Variants in TMEM26 observed in about 807,000 individuals in gnomAD.
TMEM26 encodes transmembrane protein 26.
Under a neutral mutation model 28.8 loss-of-function variants are expected in TMEM26, and 38 were observed. That is an observed-to-expected ratio of 1.32 (90% confidence interval 1.02 to 1.73). The LOEUF (loss-of-function observed/expected upper bound fraction) is 1.73, where lower values mean the gene tolerates loss of function less well. TMEM26 is among the 40% of genes most tolerant of loss of function. The pLI, the probability that TMEM26 is intolerant of heterozygous loss-of-function variation, is 0.00. For synonymous variants in TMEM26, 227 were observed against 182.9 expected, an observed-to-expected ratio of 1.24 and a Z score of -1.95; for missense variants, 518 against 447.1, an observed-to-expected ratio of 1.16 and a Z score of -1.43.
intron 1 of TMEM26, among the ~76,000 whole-genome samples, chr10:61,437,750 C>A (rs1840031902): frequency 6.6e-6 from 1 of 152,130 alleles, no homozygotes; most frequent in Non-Finnish European, 1.5e-5. Flanking sequence ...AGCTACTACA[C>A]TCCAGCCTGG....
At chr10:61,442,129 G>T (rs1840105045) in intron 1 of TMEM26, among the ~76,000 whole-genome samples, 1 of 151,944 alleles carries the variant, frequency 6.6e-6, no homozygotes, top group Non-Finnish European at 1.5e-5. Context: ...TTTACTCATT[G>T]CTTTTGTCAG....
At chr10:61,417,362 G>A (rs1839669793) in intron 4 of TMEM26, among the ~76,000 whole-genome samples, 1 of 151,596 alleles carries the variant, frequency 6.6e-6, no homozygotes, top group Admixed American at 6.6e-5. Context: ...GTGGTTAAAA[G>A]TAAAAATAAA....
chr10:61,419,488 G>T (rs1023382497), intron 4 of TMEM26, among the ~76,000 whole-genome samples: 1 of 151,948 alleles, frequency 6.6e-6, no homozygotes, highest in Non-Finnish European at 1.5e-5. Flanking sequence ...CTATGAAAAT[G>T]GTTAAATAGA....
intron 4 of TMEM26, chr10:61,416,116 A>G (rs1266426562): frequency 2.2e-6 from 1 of 450,970 alleles, no homozygotes; most frequent in African/African-American, 2.0e-5. Flanking sequence ...GAATTTTTCC[A>G]ACAGAGCCTG....
intron 4 of TMEM26, among the ~76,000 whole-genome samples, chr10:61,417,703 C>A (rs1334368305): frequency 6.6e-6 from 1 of 151,880 alleles, no homozygotes; most frequent in Non-Finnish European, 1.5e-5. Flanking sequence ...GAATAGAATT[C>A]TTTTTAGTAC....
At chr10:61,444,668 A>C (rs1302311867) in intron 1 of TMEM26, among the ~76,000 whole-genome samples, 3 of 151,872 alleles carry the variant, frequency 2.0e-5, no homozygotes, top group South Asian at 2.1e-4. Context: ...AAAAAAAAAA[A>C]AAACACCAAC....
At chr10:61,451,326 T>G (rs1840275840) in intron 1 of TMEM26, among the ~76,000 whole-genome samples, 1 of 152,210 alleles carries the variant, frequency 6.6e-6, no homozygotes, top group Non-Finnish European at 1.5e-5. Flanking sequence ...TCTGGTCTAC[T>G]CTTGGAGGGG....
intron 4 of TMEM26, chr10:61,415,088 T>G (rs1454526115): frequency 1.0e-6 from 1 of 985,120 alleles, no homozygotes; most frequent in Non-Finnish European, 1.2e-6. Flanking sequence ...ACATATGGCA[T>G]AGAACGTGGA....
intron 1 of TMEM26, among the ~76,000 whole-genome samples, chr10:61,450,365 AG>A (rs1840256080): frequency 6.6e-6 from 1 of 152,192 alleles, no homozygotes; most frequent in African/African-American, 2.4e-5. Flanking sequence ...TACTTCACCT[AG>A]AAAGGGAATG....
chr10:61,442,599 A>G (rs1840111945), intron 1 of TMEM26, among the ~76,000 whole-genome samples: 1 of 152,222 alleles, frequency 6.6e-6, no homozygotes. Context: ...AGTTGTAAGA[A>G]TACTAGACCC....
At chr10:61,444,653 TAAAA>T (rs10711559) in intron 1 of TMEM26, among the ~76,000 whole-genome samples, 2 of 133,872 alleles carry the variant, frequency 1.5e-5, no homozygotes, top group South Asian at 2.5e-4. Context: ...CCTCATAATT[TAAAA>T]AAAAAAAAAA....
rs745536998 is a variant in TMEM26, at chr10:61,452,985, CCTT to C, written c.94_96del (p.Lys32del). ...AGCGCAAGCAGCCAGTACCGCGGCT[CCTT>C]CTTCACCTCGGTCACTCGCCAGACC... On this transcript the variant is annotated inframe_deletion, in exon 1 of 6. Coordinates refer to ENST00000399298, the MANE Select transcript of TMEM26 (RefSeq NM_178505.8). 3.7e-6 allele frequency: 6 copies of C among 1,614,054 alleles called. No individual in the cohort carries two copies. The highest frequency in any genetic ancestry group is 4.2e-6 in the Non-Finnish European group (5 of 1,180,026).
chr10:61,421,115 C>T lies in TMEM26; in HGVS notation c.606-7580G>A, dbSNP rs551572082. Among the ~76,000 whole-genome samples, 347 of 152,068 alleles carry T rather than the reference C, an allele frequency of 2.3e-3. 7 individuals are homozygous for T. In the South Asian group the frequency reaches 0.036, roughly 16 times the overall value. Reference sequence around the variant, plus strand: ...ATGGAGCCATATTGTTAGGCTTTATCAGAATTAAGTTAGTTTTACCCTATA... The same window carrying T: ...ATGGAGCCATATTGTTAGGCTTTATTAGAATTAAGTTAGTTTTACCCTATA... On this transcript the variant is annotated intron_variant, in intron 4 of 5. Coordinates refer to ENST00000399298, the MANE Select transcript of TMEM26 (RefSeq NM_178505.8).
At chr10:61,447,466 A>G (rs1471487095) in intron 1 of TMEM26, among the ~76,000 whole-genome samples, 2 of 152,198 alleles carry the variant, frequency 1.3e-5, no homozygotes, top group East Asian at 3.8e-4. Flanking sequence ...ATTTTTTACA[A>G]AATTGGTTTG....
At chr10:61,412,648 C>T (rs1471747044) in intron 5 of TMEM26, among the ~76,000 whole-genome samples, 5 of 152,154 alleles carry the variant, frequency 3.3e-5, no homozygotes, top group Admixed American at 1.3e-4. Context: ...CACTGCTCAA[C>T]TGAACTTTCT....
At chr10:61,445,131 C>A (rs186291876) in intron 1 of TMEM26, among the ~76,000 whole-genome samples, 20 of 152,300 alleles carry the variant, frequency 1.3e-4, no homozygotes, top group African/African-American at 4.3e-4. Flanking sequence ...GGAAAGAAAG[C>A]AGGCTGTAGC....
chr10:61,443,353 T>C (rs1156253009), intron 1 of TMEM26, among the ~76,000 whole-genome samples: 1 of 150,088 alleles, frequency 6.7e-6, no homozygotes, highest in Non-Finnish European at 1.5e-5. Flanking sequence ...TAGTCCCAGC[T>C]ACTCGGGAGG....
chr10:61,418,637 A>G (rs538577433), intron 4 of TMEM26, among the ~76,000 whole-genome samples: 38 of 152,246 alleles, frequency 2.5e-4, no homozygotes, highest in Admixed American at 1.8e-3. Flanking sequence ...TGGAGTATGA[A>G]ATCTCACACT....
At chr10:61,452,299 C>G (rs1381176992) in intron 1 of TMEM26, among the ~76,000 whole-genome samples, 2 of 152,230 alleles carry the variant, frequency 1.3e-5, no homozygotes, top group Non-Finnish European at 2.9e-5. Flanking sequence ...AGCCAAGCCC[C>G]AAAGCCAGCA....
Sources: allele counts gnomAD v4.1 joint callset (sites outside exome capture counted in the v4.1 genomes callset), GRCh38; gene constraint gnomAD v4.1.1; transcripts MANE v1.5; gene names NCBI Gene and HGNC (gene_info 2026-07-23, HGNC 2026-07-21).